SHOC1: variants seen among roughly 807,000 people sequenced by gnomAD.
SHOC1 encodes protein shortage in chiasmata 1 ortholog.
A neutral mutation model predicts 179.2 loss-of-function variants in SHOC1; 136 were observed. The ratio of observed to expected loss-of-function variants is 0.76; its 90% CI spans 0.66 to 0.87. SHOC1 has a LOEUF of 0.87. Ranked by LOEUF, SHOC1 falls within the 40% of genes least tolerant of loss-of-function variation. The probability of loss-of-function intolerance (pLI) is 0.00; values close to 1 mark genes in which losing one functional copy is unlikely to be tolerated. For synonymous variants in SHOC1, 489 were observed against 586.6 expected (o/e 0.83, Z 2.41); for missense variants, 1,538 against 1,700.8 (o/e 0.90, Z 1.68).
chr9:111,714,171 C>T (rs1832679648), intron 17 of SHOC1, among the ~76,000 whole-genome samples: 1 of 152,090 alleles, frequency 6.6e-6, no homozygotes. Flanking sequence ...CACACCACCA[C>T]GCCTGGCTAA....
At chr9:111,759,243 T>G (rs778855471) in intron 5 of SHOC1, 7 of 1,613,618 alleles carry the variant, frequency 4.3e-6, no homozygotes, top group Admixed American at 3.3e-5. Flanking sequence ...CTCTGCATCA[T>G]TTTACCTCTT....
At chr9:111,757,249 C>CCTG (rs1834907307) in intron 7 of SHOC1, among the ~76,000 whole-genome samples, 1 of 151,972 alleles carries the variant, frequency 6.6e-6, no homozygotes. Context: ...ACTACAGGCG[C>CCTG]CCACCACTAT....
rs899670078 is a variant in SHOC1 at position 111,692,050 on chromosome 9, T to C, written c.3927A>G (p.Ser1309=). The C allele has an allele frequency of 1.2e-6, 2 of 1,613,790 alleles. No individual in the cohort carries two copies. The highest frequency in any genetic ancestry group is 1.7e-6 in the Non-Finnish European group (2 of 1,179,870). The change falls in exon 27 of 28, where the codon TCA becomes TCG. Residue 1309 remains serine (S), a synonymous_variant. Transcript: ENST00000682961. ...ACACTCTCTTCTGAGTGTCAGTTGGTGATTTTATAGTTTCACAGTTCATTT... is the reference window on the plus strand; with the variant it reads ...ACACTCTCTTCTGAGTGTCAGTTGGCGATTTTATAGTTTCACAGTTCATTT... ...LTQMNCETIK[S]PTDTQKRVSV...
chr9:111,772,979 GATT>G (rs113200522), intron 5 of SHOC1, among the ~76,000 whole-genome samples: 5,277 of 152,192 alleles, frequency 0.035, 318 homozygotes, highest in African/African-American at 0.12. Context: ...GTTTGGGGAA[GATT>G]TTCCATGTGG....
chr9:111,690,219 T>C (rs997249442), intron 27 of SHOC1, among the ~76,000 whole-genome samples: 3 of 151,710 alleles, frequency 2.0e-5, no homozygotes, highest in Admixed American at 6.6e-5. Context: ...AGCCGAGGAG[T>C]TCGAGATCAG....
rs1022953841 is a variant in SHOC1 at position 111,738,661 on chromosome 9, T to C, written c.1175-139A>G. 1.9e-5 allele frequency: 15 copies of C among 781,140 alleles called. No individual in the cohort carries two copies. In the East Asian group the frequency reaches 4.2e-4, roughly 22 times the overall value. 48.4% of individuals were successfully genotyped at this position (781,140 alleles called of 1,614,324 possible). On this transcript the variant is annotated intron_variant, in intron 11 of 27. Transcript: ENST00000682961. Reference sequence around the variant, plus strand: ...AGAAAATAAGTGAAACTTGAAGTTATAGCTGGTATTTTTGTCTCAAGATGC... The same window carrying C: ...AGAAAATAAGTGAAACTTGAAGTTACAGCTGGTATTTTTGTCTCAAGATGC...
Position 111,758,126 on chromosome 9 carries a change from G to T in SHOC1, c.666C>A (p.Asn222Lys). The change falls in exon 7 of 28, where the codon AAC becomes AAA. Residue 222 changes from asparagine (N) to lysine (K), a missense_variant. Coordinates refer to ENST00000682961, the MANE Select transcript of SHOC1 (RefSeq NM_001378211.1). Reference protein sequence around the residue: ...VKEDFCMDKVNFCQEKLEDTI... With the variant: ...VKEDFCMDKVKFCQEKLEDTI... ...TATCTTCTAGTTTCTCTTGACAAAA[G>T]TTCACTTTATCCATACAAAAATCTT... 6.3e-7 allele frequency: 1 copy of T among 1,584,106 alleles called. No homozygotes were observed. The highest frequency in any genetic ancestry group is 8.6e-7 in the Non-Finnish European group (1 of 1,162,708).
At chr9:111,688,231 G>T (rs1379630871) in intron 27 of SHOC1, among the ~76,000 whole-genome samples, 1 of 152,072 alleles carries the variant, frequency 6.6e-6, no homozygotes, top group Non-Finnish European at 1.5e-5. Context: ...TTTTTTTCTG[G>T]ATATCAATCT....
intron 12 of SHOC1, among the ~76,000 whole-genome samples, chr9:111,731,715 CAT>C (rs1177447855): frequency 6.6e-6 from 1 of 152,070 alleles, no homozygotes; most frequent in African/African-American, 2.4e-5. Context: ...AAAGTGAGCA[CAT>C]GTTCTTCAAA....
At chr9:111,754,238 A>G (rs531195494) in intron 8 of SHOC1, among the ~76,000 whole-genome samples, 46 of 152,202 alleles carry the variant, frequency 3.0e-4, no homozygotes, top group Non-Finnish European at 4.9e-4. Context: ...GAGAAACAAA[A>G]ACAAATGACA....
intron 17 of SHOC1, among the ~76,000 whole-genome samples, chr9:111,713,671 C>T (rs903019645): frequency 3.9e-5 from 6 of 151,950 alleles, no homozygotes; most frequent in South Asian, 2.1e-4. Context: ...AGGCACAGAA[C>T]GAAAAATCAG....
chr9:111,722,942 T>C (rs993583781), intron 14 of SHOC1, among the ~76,000 whole-genome samples: 5 of 152,092 alleles, frequency 3.3e-5, no homozygotes, highest in African/African-American at 1.2e-4. Context: ...GCTGGGACTA[T>C]AGGCGTGCAC....
At chr9:111,781,080 CCAAA>C in intron 3 of SHOC1, 63 bp from the exon 4 acceptor site, 3 of 1,071,456 alleles carry the variant, frequency 2.8e-6, no homozygotes, top group South Asian at 1.4e-5. Flanking sequence ...TTCAAGGAAG[CCAAA>C]CATTCACCTT....
rs1834270355 is a variant in SHOC1 at position 111,746,209 on chromosome 9, GGTTCTA to G, written c.1079+19_1079+24del. On this transcript the variant is annotated intron_variant, in intron 10 of 27. Transcript: ENST00000682961. The stretch of plus-strand genomic sequence containing the variant: ...ACTGCTTGTTCTGAATTGCAACATG[GGTTCTA>G]GATATAATCTTTACTTACATTTTAC... The G allele has an allele frequency of 7.0e-7, 1 of 1,418,514 alleles. No individual in the cohort carries two copies. The highest frequency in any genetic ancestry group is 1.4e-5 in the African/African-American group (1 of 70,736). The allele number at this position is 1,418,514 out of a possible 1,614,324, so 87.9% of individuals were successfully genotyped here.
chr9:111,694,348 TG>T lies in SHOC1; in HGVS notation c.3197del (p.Pro1066GlnfsTer3). ...EELDVKLIIA[P>X]GVEATALIIR... ...TTATCAAGGCAGTTGCTTCTACTCC[TG>T]GGGCAATTATAAGCTAAAAAATATT... On this transcript the variant is annotated frameshift_variant, in exon 25 of 28. Transcript: ENST00000682961. LOFTEE classifies it high-confidence loss of function. The T allele has an allele frequency of 6.2e-7, 1 of 1,606,802 alleles. No homozygotes were observed. Among genetic ancestry groups the T allele is most frequent in the Non-Finnish European group, 8.5e-7 (1 of 1,175,236 alleles).
chr9:111,742,260 T>C (rs965364840), intron 10 of SHOC1, among the ~76,000 whole-genome samples: 15 of 152,172 alleles, frequency 9.9e-5, no homozygotes, highest in Admixed American at 9.2e-4. Context: ...TAAGTAAAAT[T>C]ACCATGCTTA....
intron 23 of SHOC1, among the ~76,000 whole-genome samples, chr9:111,700,880 T>C (rs1831939962): frequency 6.6e-6 from 1 of 152,214 alleles, no homozygotes; most frequent in African/African-American, 2.4e-5. Context: ...GGGCAATGTG[T>C]GTCTAATGAG....
chr9:111,723,819 C>G lies in SHOC1; in HGVS notation c.1927G>C (p.Asp643His). ...LEEINQERGT[D>H]SVIEIQASDS... The stretch of plus-strand genomic sequence containing the variant: ...GACGCTTGAATTTCAATGACACTAT[C>G]TGTTCCCCTTTCCTGATTTATTTCC... Residue 643 changes from aspartate to histidine, a missense_variant, in exon 14 of 28, where the codon GAT becomes CAT. Coordinates refer to ENST00000682961, the MANE Select transcript of SHOC1 (RefSeq NM_001378211.1). 6.2e-7 allele frequency: 1 copy of G among 1,612,272 alleles called. No individual in the cohort carries two copies. Among genetic ancestry groups the G allele is most frequent in the Non-Finnish European group, 8.5e-7 (1 of 1,179,304 alleles).
At chr9:111,750,766 G>C (rs1221263488) in intron 8 of SHOC1, among the ~76,000 whole-genome samples, 1 of 152,188 alleles carries the variant, frequency 6.6e-6, no homozygotes, top group Admixed American at 6.5e-5. Context: ...TGGAGAGATT[G>C]CAAAAATTTT....
Sources: gnomAD v4.1 joint callset for allele counts (sites outside exome capture counted in the v4.1 genomes callset) on GRCh38, gnomAD v4.1.1 for gene constraint, MANE v1.5 for transcripts, NCBI Gene and HGNC (gene_info 2026-07-23, HGNC 2026-07-21) for gene names.